RRN3: variants seen among roughly 807,000 people sequenced by gnomAD.
RRN3 encodes the protein RNA polymerase I-specific transcription initiation factor RRN3.
A neutral mutation model predicts 82.3 loss-of-function variants in RRN3; 38 were observed. The ratio of observed to expected loss-of-function variants is 0.46; its 90% CI spans 0.36 to 0.61. RRN3 has a LOEUF of 0.61. Among genes scored for constraint, RRN3 ranks in the 20% least tolerant of loss-of-function variants. RRN3 has a pLI of 0.00. For missense variants in RRN3, 726 were observed against 793.1 expected (o/e 0.92, Z 1.02); for synonymous variants, 284 against 284.3 (o/e 1.00, Z 0.01).
chr16:15,075,050 G>A lies in RRN3; in HGVS notation c.859-189C>T, dbSNP rs556249192. ...GGATCACTTGAGGTCAGGAGTTTGA[G>A]ACCAGCCTGGCCAACATGGTAAAAC... On this transcript the variant is annotated intron_variant, in intron 10 of 17. Coordinates refer to ENST00000198767, the MANE Select transcript of RRN3 (RefSeq NM_018427.5). 3.3e-5 allele frequency among the ~76,000 whole-genome samples: 5 copies of A among 152,156 alleles called. No individual in the cohort carries two copies. The South Asian group carries it at 1.0e-3, about 32-fold the overall frequency.
At chr16:15,071,799 T>G (rs953028085) in intron 12 of RRN3, among the ~76,000 whole-genome samples, 2 of 151,988 alleles carry the variant, frequency 1.3e-5, no homozygotes, top group Admixed American at 1.3e-4. Context: ...CAACAAAAAA[T>G]TCAACCTGGG....
chr16:15,073,013 C>G lies in RRN3; in HGVS notation c.1065G>C (p.Leu355=), dbSNP rs1415806131. 5 of 1,613,244 alleles carry G rather than the reference C, an allele frequency of 3.1e-6. No individual in the cohort carries two copies. Among genetic ancestry groups the G allele is most frequent in the Non-Finnish European group, 4.2e-6 (5 of 1,179,840 alleles). ...CATGGCAGGAGGCATGGGTGGGCAACAGGAGTTTGTCAAAGATGTTTATCA... is the reference window on the plus strand; with the variant it reads ...CATGGCAGGAGGCATGGGTGGGCAAGAGGAGTTTGTCAAAGATGTTTATCA... ...RDLINIFDKL[L]LPTHASCHVQ... The change falls in exon 12 of 18, where the codon CTG becomes CTC. Residue 355 remains leucine (L), a synonymous_variant. Coordinates refer to ENST00000198767, the MANE Select transcript of RRN3 (RefSeq NM_018427.5).
intron 7 of RRN3, 58 bp downstream of exon 7, chr16:15,084,584 T>C: frequency 8.2e-7 from 1 of 1,218,394 alleles, no homozygotes; most frequent in African/African-American, 1.5e-5. Context: ...TAATTTTTAC[T>C]AATTGATTAC....
chr16:15,071,277 G>T (rs774929795), intron 12 of RRN3, 26 bp from the exon 13 acceptor site: 4 of 1,575,014 alleles, frequency 2.5e-6, no homozygotes, highest in Non-Finnish European at 1.7e-6. Context: ...GCGTCGGTGT[G>T]ATCTTTTTTA....
At chr16:15,063,704 CAAAAAAAAAA>C (rs10664930) in intron 16 of RRN3, among the ~76,000 whole-genome samples, 1 of 89,130 alleles carries the variant, frequency 1.1e-5, no homozygotes, top group African/African-American at 5.1e-5. Context: ...GACTCTGTCT[CAAAAAAAAAA>C]AAAAAAAAGA....
chr16:15,083,944 G>C (rs566718901), intron 7 of RRN3, among the ~76,000 whole-genome samples: 1 of 152,096 alleles, frequency 6.6e-6, no homozygotes, highest in Non-Finnish European at 1.5e-5. Context: ...TCGAACTCCC[G>C]ACCTCAGGTG....
chr16:15,073,670 T>G (rs2045335115), intron 11 of RRN3, among the ~76,000 whole-genome samples: 1 of 152,236 alleles, frequency 6.6e-6, no homozygotes, highest in African/African-American at 2.4e-5. Flanking sequence ...TCCGATCATT[T>G]TACTGTTAGT....
chr16:15,085,089 A>T (rs1452668624), intron 6 of RRN3, among the ~76,000 whole-genome samples: 5 of 152,072 alleles, frequency 3.3e-5, no homozygotes, highest in Non-Finnish European at 5.9e-5. Context: ...ACAAAAAGTG[A>T]CATACTTGAA....
At chr16:15,061,967 T>C (rs1431881583) in intron 17 of RRN3, 62 bp from the exon 18 acceptor site, 1 of 1,474,386 alleles carries the variant, frequency 6.8e-7, no homozygotes, top group Admixed American at 1.8e-5. Flanking sequence ...CTTTCAACAA[T>C]TCCTTCCTCA....
At position 15,060,234 on chromosome 16, in the gene RRN3, G is replaced by GT. The variant is rs1272357107; in HGVS notation, c.*1509dup. The GT allele has an allele frequency of 2.8e-6, 1 of 351,212 alleles. No individual in the cohort carries two copies. The highest frequency in any genetic ancestry group is 5.6e-6 in the Non-Finnish European group (1 of 179,464). 21.8% of individuals were successfully genotyped at this position (351,212 alleles called of 1,614,324 possible). ...AATTTCTGGGGAATTTCGTTTACTC[G>GT]TTTTATCTAATATTAAAAAATCAAC... On this transcript the variant is annotated 3_prime_UTR_variant, in exon 18 of 18. Transcript: ENST00000198767.
chr16:15,062,493 A>T (rs1196642097), intron 17 of RRN3, among the ~76,000 whole-genome samples: 1 of 152,244 alleles, frequency 6.6e-6, no homozygotes, highest in Non-Finnish European at 1.5e-5. Flanking sequence ...GCAACAGAGC[A>T]GCGAAATTCT....
chr16:15,085,039 C>G (rs932365747), intron 6 of RRN3, among the ~76,000 whole-genome samples: 1 of 152,064 alleles, frequency 6.6e-6, no homozygotes, highest in African/African-American at 2.4e-5. Flanking sequence ...ATACTCCAGC[C>G]TGGGCAACAG....
In RRN3 at chr16:15,060,110, T is replaced by A. The variant is rs999504121; in HGVS notation, c.*1634A>T. 1.2e-5 allele frequency: 4 copies of A among 338,100 alleles called. No individual in the cohort carries two copies. Among genetic ancestry groups the A allele is most frequent in the Admixed American group, 3.8e-5 (1 of 26,098 alleles). The allele number at this position is 338,100 out of a possible 1,614,324, so 20.9% of individuals were successfully genotyped here. On this transcript the variant is annotated 3_prime_UTR_variant, in exon 18 of 18. Transcript: ENST00000198767. Reference sequence around the variant, plus strand: ...GTCATTGTTTCATTTTCACCATGGATTTTTTTTCACAAACTCCTTTGAAAT... The same window carrying A: ...GTCATTGTTTCATTTTCACCATGGAATTTTTTTCACAAACTCCTTTGAAAT...
At chr16:15,080,283 C>T (rs1043995629) in intron 8 of RRN3, among the ~76,000 whole-genome samples, 187 bp from the exon 9 acceptor site, 11 of 152,210 alleles carry the variant, frequency 7.2e-5, no homozygotes, top group African/African-American at 2.6e-4. Flanking sequence ...TTCAATTATT[C>T]CCAGTAAATG....
intron 15 of RRN3, among the ~76,000 whole-genome samples, chr16:15,065,683 A>G (rs920545482): frequency 6.6e-6 from 1 of 152,154 alleles, no homozygotes; most frequent in African/African-American, 2.4e-5. Context: ...TTCATTAAAA[A>G]TAAATGTTTG....
At chr16:15,085,585 T>A in intron 6 of RRN3, 54 bp downstream of exon 6, 1 of 1,594,118 alleles carries the variant, frequency 6.3e-7, no homozygotes, top group Non-Finnish European at 8.6e-7. Flanking sequence ...CCCAAAGTGC[T>A]GGGATTATGG....
intron 1 of RRN3, among the ~76,000 whole-genome samples, chr16:15,092,995 T>A (rs1296111072): frequency 6.6e-6 from 1 of 152,196 alleles, no homozygotes; most frequent in Non-Finnish European, 1.5e-5. Flanking sequence ...TTTTCCCAAA[T>A]CTCTACGTGG....
chr16:15,061,925 C>T lies in RRN3; in HGVS notation c.1795-20G>A. On this transcript the variant is annotated intron_variant, in intron 17 of 17. Transcript: ENST00000198767. Reference sequence around the variant, plus strand: ...TATGTCCTGCAGAAACATCAGAAATCATCAGTAACATCACCAGTGCTGACT... The same window carrying T: ...TATGTCCTGCAGAAACATCAGAAATTATCAGTAACATCACCAGTGCTGACT... 1 of 1,598,220 alleles carries T rather than the reference C, an allele frequency of 6.3e-7. No individual in the cohort carries two copies. The highest frequency in any genetic ancestry group is 1.1e-5 in the South Asian group (1 of 90,630).
intron 16 of RRN3, among the ~76,000 whole-genome samples, chr16:15,064,421 C>T (rs1284205405): frequency 6.6e-6 from 1 of 152,110 alleles, no homozygotes; most frequent in Non-Finnish European, 1.5e-5. Context: ...GTGATCCGCC[C>T]GCCTCAGCCT....
Sources: gnomAD v4.1 joint callset for allele counts (sites outside exome capture counted in the v4.1 genomes callset) on GRCh38, gnomAD v4.1.1 for gene constraint, MANE v1.5 for transcripts, NCBI Gene and HGNC (gene_info 2026-07-23, HGNC 2026-07-21) for gene names.